PITPNA: variants seen among roughly 807,000 people sequenced by gnomAD.
The protein encoded by PITPNA is phosphatidylinositol transfer protein alpha isoform.
PITPNA carries 13 observed loss-of-function variants against 50.3 expected under a neutral mutation model. The ratio of observed to expected loss-of-function variants is 0.26; its 90% CI spans 0.17 to 0.41. PITPNA has a LOEUF of 0.41. Ranked by LOEUF, PITPNA falls within the 10% of genes least tolerant of loss-of-function variation. The pLI is 1.00. For synonymous variants in PITPNA, 120 were observed against 119.6 expected (o/e 1.00, Z -0.02); for missense variants, 207 against 333.4 (o/e 0.62, Z 2.95).
chr17:1,559,833 T>A (rs1164934153), intron 1 of PITPNA: 1 of 927,286 alleles, frequency 1.1e-6, no homozygotes, highest in African/African-American at 1.8e-5. Flanking sequence ...TGCTAACAAC[T>A]CCCTTCCTCC....
At chr17:1,522,483 C>T (rs1021176953) in intron 10 of PITPNA, among the ~76,000 whole-genome samples, 28 of 152,170 alleles carry the variant, frequency 1.8e-4, no homozygotes, top group African/African-American at 5.6e-4. Flanking sequence ...AGCGATTGTC[C>T]TGCTTCAGCC....
chr17:1,557,857 T>C (rs1017392731), intron 2 of PITPNA, among the ~76,000 whole-genome samples: 11 of 152,168 alleles, frequency 7.2e-5, no homozygotes, highest in Non-Finnish European at 1.5e-4. Context: ...TGCTGGTTTG[T>C]TGCACAACCA....
At position 1,517,719 on chromosome 17, in the gene PITPNA, G is replaced by A. The variant is rs896236406; in HGVS notation, c.*2842C>T. On this transcript the variant is annotated 3_prime_UTR_variant, in exon 12 of 12. Transcript: ENST00000313486. Reference sequence around the variant, plus strand: ...ATAAATGTTTTGCTTGTTTGGTAGGGTGGATAAAGAGGAAGATGTGAAGAG... The same window carrying A: ...ATAAATGTTTTGCTTGTTTGGTAGGATGGATAAAGAGGAAGATGTGAAGAG... 11 of 152,070 alleles carry A rather than the reference G, an allele frequency of 7.2e-5. No individual in the cohort carries two copies. Among genetic ancestry groups the A allele is most frequent in the African/African-American group, 2.7e-4 (11 of 41,388 alleles). 9.4% of individuals were successfully genotyped at this position (152,070 alleles called of 1,614,324 possible).
At chr17:1,528,071 G>T (rs1361496722) in intron 10 of PITPNA, among the ~76,000 whole-genome samples, 2 of 152,118 alleles carry the variant, frequency 1.3e-5, no homozygotes, top group African/African-American at 4.8e-5. Context: ...TGCACCTGTA[G>T]TCCCAGCTAC....
intron 1 of PITPNA, among the ~76,000 whole-genome samples, chr17:1,560,259 G>A (rs912685067): frequency 1.2e-4 from 18 of 152,202 alleles, no homozygotes; most frequent in Admixed American, 1.2e-3. Flanking sequence ...CAGCAATAGG[G>A]TACAATTCCA....
chr17:1,532,947 G>A (rs921923446), intron 10 of PITPNA, among the ~76,000 whole-genome samples: 3 of 152,224 alleles, frequency 2.0e-5, no homozygotes, highest in African/African-American at 7.2e-5. Context: ...AGTTCCCTGC[G>A]GGGTTCCAGA....
chr17:1,553,388 A>G (rs1303526029), intron 2 of PITPNA, among the ~76,000 whole-genome samples: 1 of 151,996 alleles, frequency 6.6e-6, no homozygotes, highest in African/African-American at 2.4e-5. Flanking sequence ...CACACCACCC[A>G]TCAGGGTTTA....
intron 1 of PITPNA, among the ~76,000 whole-genome samples, chr17:1,559,178 G>A (rs1408004526): frequency 6.6e-6 from 1 of 152,124 alleles, no homozygotes; most frequent in Non-Finnish European, 1.5e-5. Context: ...TCTGCTCGGG[G>A]CTGGATATTA....
chr17:1,534,694 T>A (rs2075604149), intron 9 of PITPNA, among the ~76,000 whole-genome samples: 1 of 152,212 alleles, frequency 6.6e-6, no homozygotes, highest in Non-Finnish European at 1.5e-5. Context: ...CCGGCCAACC[T>A]GGCTCCCAGC....
In PITPNA at chr17:1,542,929, AAG is replaced by A. The variant is rs977028688; in HGVS notation, c.297+89_297+90del. Reference sequence around the variant, plus strand: ...GCAACTCCAAACATCAGCCAAGGGAAAGAACACCCAAGACCACCAGTGCAGTT... The same window carrying A: ...GCAACTCCAAACATCAGCCAAGGGAAAACACCCAAGACCACCAGTGCAGTT... On this transcript the variant is annotated intron_variant, in intron 5 of 11. Transcript: ENST00000313486. The A allele has an allele frequency of 3.5e-5, 34 of 976,634 alleles. No homozygotes were observed. The African/African-American group carries it at 3.5e-4, about 10-fold the overall frequency. The allele number at this position is 976,634 out of a possible 1,614,324, so 60.5% of individuals were successfully genotyped here.
At chr17:1,527,117 C>G (rs1388459108) in intron 10 of PITPNA, among the ~76,000 whole-genome samples, 1 of 152,080 alleles carries the variant, frequency 6.6e-6, no homozygotes, top group East Asian at 1.9e-4. Context: ...GGGGCCTACA[C>G]GACATGAGAG....
chr17:1,551,451 C>A (rs1250310229), intron 3 of PITPNA, among the ~76,000 whole-genome samples: 1 of 151,894 alleles, frequency 6.6e-6, no homozygotes, highest in African/African-American at 2.4e-5. Flanking sequence ...GCCACCACAC[C>A]AGCCTAATTT....
intron 1 of PITPNA, chr17:1,559,611 G>A (rs2075758161): frequency 5.4e-6 from 1 of 183,950 alleles, no homozygotes; most frequent in African/African-American, 2.4e-5. Flanking sequence ...GAAGCATTAG[G>A]GAAGCATGAG....
chr17:1,532,616 A>G (rs1399853014), intron 10 of PITPNA, among the ~76,000 whole-genome samples: 1 of 152,204 alleles, frequency 6.6e-6, no homozygotes, highest in Non-Finnish European at 1.5e-5. Context: ...CTGAAGCTCC[A>G]GGCTAAAACT....
At chr17:1,534,629 A>G (rs2075603806) in intron 9 of PITPNA, among the ~76,000 whole-genome samples, 1 of 152,206 alleles carries the variant, frequency 6.6e-6, no homozygotes, top group Non-Finnish European at 1.5e-5. Flanking sequence ...AACATGTCGG[A>G]GGATTAAAAG....
chr17:1,542,256 C>T (rs1312745944), intron 5 of PITPNA, among the ~76,000 whole-genome samples: 6 of 151,852 alleles, frequency 4.0e-5, no homozygotes, highest in East Asian at 3.9e-4. Context: ...AAAACAGTTT[C>T]GTCTGACTTC....
chr17:1,548,353 C>G lies in PITPNA; in HGVS notation c.232G>C (p.Glu78Gln). 1 of 1,608,440 alleles carries G rather than the reference C, an allele frequency of 6.2e-7. No homozygotes were observed. The highest frequency in any genetic ancestry group is 8.5e-7 in the Non-Finnish European group (1 of 1,177,692). ...VPTFVRMLAP[E>Q]GALNIHEKAW... ...TTCTCGTGTATATTCAGGGCTCCCT[C>G]TGGGGCCAGCATTCGAACAAACGTG... The change falls in exon 4 of 12, where the codon GAG (glutamate) becomes CAG (glutamine). Residue 78 changes from glutamate to glutamine, a missense_variant. Transcript: ENST00000313486.
Position 1,520,356 on chromosome 17 carries a change from A to G in PITPNA, c.*205T>C, listed in dbSNP as rs1161082824. On this transcript the variant is annotated 3_prime_UTR_variant, in exon 12 of 12. Coordinates refer to ENST00000313486, the MANE Select transcript of PITPNA (RefSeq NM_006224.4). Reference sequence around the variant, plus strand: ...ATCTCGGAGGAGCAGGCTCCTGCACACGCGGGCTCTGTGACACCAGACGGT... The same window carrying G: ...ATCTCGGAGGAGCAGGCTCCTGCACGCGCGGGCTCTGTGACACCAGACGGT... The G allele has an allele frequency of 1.3e-5, 2 of 152,672 alleles. No homozygotes were observed. Among genetic ancestry groups the G allele is most frequent in the African/African-American group, 4.8e-5 (2 of 41,474 alleles). The allele number at this position is 152,672 out of a possible 1,614,324, so 9.5% of individuals were successfully genotyped here. A position where few individuals can be genotyped will look rare whatever the true frequency, so the allele number is the denominator to read the frequency against.
intron 5 of PITPNA, chr17:1,541,846 C>A: frequency 1.5e-6 from 1 of 668,142 alleles, no homozygotes; most frequent in Admixed American, 2.1e-5. Context: ...CCTGAGAGCT[C>A]TGTAGAATCA....
Sources: gnomAD v4.1 joint callset for allele counts (sites outside exome capture counted in the v4.1 genomes callset) on GRCh38, gnomAD v4.1.1 for gene constraint, MANE v1.5 for transcripts, NCBI Gene and HGNC (gene_info 2026-07-23, HGNC 2026-07-21) for gene names.